The following PPHLN1 variants were observed in gnomAD, a reference collection of about 807,000 sequenced individuals.
The protein encoded by PPHLN1 is periphilin 1.
In PPHLN1, 29 loss-of-function variants were observed where a neutral mutation model predicts 51.3. The observed-to-expected ratio is 0.57, with a 90% CI of 0.42 to 0.77. The LOEUF is 0.77. Among genes scored for constraint, PPHLN1 ranks in the 30% least tolerant of loss-of-function variants. The pLI is 0.00. For synonymous variants in PPHLN1, 147 were observed against 147.8 expected (o/e 0.99, Z 0.04); for missense variants, 436 against 438.4 (o/e 0.99, Z 0.05).
chr12:42,426,203 CACACACACACACACACACACACACA>C (rs2081456644), intron 9 of PPHLN1, among the ~76,000 whole-genome samples: 4 of 149,764 alleles, frequency 2.7e-5, no homozygotes, highest in African/African-American at 7.4e-5. Flanking sequence ...CACACACACA[CACACACACACACACACACACACACA>C]CCCTCATGCA....
intron 4 of PPHLN1, among the ~76,000 whole-genome samples, chr12:42,368,527 A>G (rs2075496776): frequency 6.6e-6 from 1 of 152,204 alleles, no homozygotes. Flanking sequence ...GTTAATTATA[A>G]TAAGGTCAAA....
chr12:42,415,467 A>G (rs1483912208), intron 9 of PPHLN1, among the ~76,000 whole-genome samples: 1 of 152,202 alleles, frequency 6.6e-6, no homozygotes, highest in East Asian at 1.9e-4. Flanking sequence ...CACCGCCCCT[A>G]GCCAAAACCT....
chr12:42,336,027 T>G, intron 2 of PPHLN1, 53 bp downstream of exon 2: 1 of 1,247,966 alleles, frequency 8.0e-7, no homozygotes, highest in Non-Finnish European at 1.1e-6. Context: ...CTGAATTAAT[T>G]TGATACACCA....
At chr12:42,340,915 T>C (rs2071385037) in intron 2 of PPHLN1, among the ~76,000 whole-genome samples, 1 of 152,196 alleles carries the variant, frequency 6.6e-6, no homozygotes, top group Non-Finnish European at 1.5e-5. Context: ...GTTTTATGTA[T>C]TTGAATCCTG....
rs181556385 is a variant in PPHLN1, at chr12:42,437,073, A to G, written c.910-4242A>G. Among the ~76,000 whole-genome samples, 308 of 152,226 alleles carry G rather than the reference A, an allele frequency of 2.0e-3. 2 individuals carry two copies. The highest frequency in any genetic ancestry group is 6.4e-3 in the Admixed American group (98 of 15,292). On this transcript the variant is annotated intron_variant, in intron 9 of 9. Transcript: ENST00000358314. ...ATTTTTCTCTTCCTGATACATCCAAAGGTTCCAATTTCTACTTGTAGCTCT... is the reference window on the plus strand; with the variant it reads ...ATTTTTCTCTTCCTGATACATCCAAGGGTTCCAATTTCTACTTGTAGCTCT...
chr12:42,411,517 CAAAA>C (rs1446874254), intron 9 of PPHLN1, among the ~76,000 whole-genome samples: 1 of 152,102 alleles, frequency 6.6e-6, no homozygotes, highest in Non-Finnish European at 1.5e-5. Flanking sequence ...TAACAAAAAA[CAAAA>C]GAAACTGTTT....
chr12:42,342,020 TA>T (rs1401515411), intron 2 of PPHLN1, among the ~76,000 whole-genome samples: 1 of 152,194 alleles, frequency 6.6e-6, no homozygotes, highest in African/African-American at 2.4e-5. Context: ...GGTAGCAGAC[TA>T]AAGTTCAAAG....
At chr12:42,432,174 C>T in intron 9 of PPHLN1, 1 of 866,072 alleles carries the variant, frequency 1.2e-6, no homozygotes, top group East Asian at 2.4e-5. Flanking sequence ...AATGACCAAT[C>T]ACTCAGCTTG....
intron 9 of PPHLN1, among the ~76,000 whole-genome samples, chr12:42,429,043 C>T (rs1198479895): frequency 6.6e-6 from 1 of 151,974 alleles, no homozygotes; most frequent in African/African-American, 2.4e-5. Flanking sequence ...TATCATATTG[C>T]ACAATATTTG....
Position 42,441,308 on chromosome 12 carries a change from C to G in PPHLN1, c.910-7C>G, listed in dbSNP as rs1053987552. The G allele has an allele frequency of 6.2e-7, 1 of 1,602,886 alleles. No homozygotes were observed. The highest frequency in any genetic ancestry group is 2.2e-5 in the East Asian group (1 of 44,646). ...CTCAGCTAACCAGAATGTGTTTTAC[C>G]TTTTAGGTTTACCGACAAGACTGTG... is the stretch of plus-strand genomic sequence containing the variant. On this transcript the variant is annotated splice_region_variant and splice_polypyrimidine_tract_variant and intron_variant, in intron 9 of 9. Coordinates refer to ENST00000358314, the MANE Select transcript of PPHLN1 (RefSeq NM_201439.2).
chr12:42,419,751 G>T (rs1341646667), intron 9 of PPHLN1, among the ~76,000 whole-genome samples: 1 of 152,114 alleles, frequency 6.6e-6, no homozygotes, highest in East Asian at 1.9e-4. Context: ...TTTCCATGTG[G>T]CATATTTGTG....
At chr12:42,398,606 C>T (rs2078497214) in intron 8 of PPHLN1, 2 of 316,226 alleles carry the variant, frequency 6.3e-6, no homozygotes, top group Non-Finnish European at 1.2e-5. Flanking sequence ...TAGCGTGGCC[C>T]CTGCACAAGG....
At chr12:42,439,609 G>T (rs1027634350) in intron 9 of PPHLN1, among the ~76,000 whole-genome samples, 9 of 152,182 alleles carry the variant, frequency 5.9e-5, no homozygotes, top group African/African-American at 2.2e-4. Flanking sequence ...CTGCCTCCCA[G>T]GTTCAGCTAT....
intron 8 of PPHLN1, 168 bp from the exon 9 acceptor site, chr12:42,398,686 A>T (rs1392184503): frequency 4.0e-6 from 2 of 498,346 alleles, no homozygotes; most frequent in Non-Finnish European, 3.3e-6. Flanking sequence ...TCTTTAATCC[A>T]TTTCACATAT....
chr12:42,429,192 A>T (rs113760493), intron 9 of PPHLN1, among the ~76,000 whole-genome samples: 10,189 of 152,198 alleles, frequency 0.067, 378 homozygotes, highest in Admixed American at 0.092. Context: ...TTCTTTTCCC[A>T]AGCCAGTAAT....
chr12:42,424,887 G>T (rs1486004097), intron 9 of PPHLN1, among the ~76,000 whole-genome samples: 1 of 93,352 alleles, frequency 1.1e-5, no homozygotes, highest in Non-Finnish European at 2.3e-5. Flanking sequence ...AATTGTTACA[G>T]AAAACAAAAA....
intron 2 of PPHLN1, among the ~76,000 whole-genome samples, chr12:42,341,663 C>T (rs952889631): frequency 6.6e-6 from 1 of 152,040 alleles, no homozygotes; most frequent in African/African-American, 2.4e-5. Flanking sequence ...GGCTCTATCG[C>T]CCAGGCTGGA....
At chr12:42,395,483 A>T (rs575652481) in intron 8 of PPHLN1, among the ~76,000 whole-genome samples, 1 of 152,226 alleles carries the variant, frequency 6.6e-6, no homozygotes, top group South Asian at 2.1e-4. Flanking sequence ...TATCATATTA[A>T]TATTTTTCTC....
chr12:42,415,811 C>T (rs1427805712), intron 9 of PPHLN1, among the ~76,000 whole-genome samples: 1 of 152,184 alleles, frequency 6.6e-6, no homozygotes, highest in East Asian at 1.9e-4. Context: ...GTTGTTTGGT[C>T]CTATCTTCAT....
Sources: gnomAD v4.1 joint callset for allele counts (sites outside exome capture counted in the v4.1 genomes callset) on GRCh38, gnomAD v4.1.1 for gene constraint, MANE v1.5 for transcripts, NCBI Gene and HGNC (gene_info 2026-07-23, HGNC 2026-07-21) for gene names.